Variants in LARGE1 observed in about 807,000 individuals in gnomAD.
LARGE1 encodes the protein LARGE xylosyl- and glucuronyltransferase 1, also known as xylosyl- and glucuronyltransferase LARGE1.
In LARGE1, 43 loss-of-function variants were observed where a neutral mutation model predicts 87.6. The observed-to-expected ratio is 0.49, with a 90% CI of 0.38 to 0.63. The LOEUF is 0.63. LARGE1 is among the 30% of genes least tolerant of loss of function. The probability of loss-of-function intolerance (pLI) is 0.00; values close to 1 mark genes in which losing one functional copy is unlikely to be tolerated. For missense variants in LARGE1, 802 were observed against 1,000.2 expected (o/e 0.80, Z 2.67); for synonymous variants, 434 against 394.6 (o/e 1.10, Z -1.18).
At chr22:33,884,660 G>A (rs1032312499) in intron 1 of LARGE1, among the ~76,000 whole-genome samples, 4 of 152,316 alleles carry the variant, frequency 2.6e-5, no homozygotes, top group Non-Finnish European at 4.4e-5. Context: ...GCGGAGGGCC[G>A]GCAACCCCGC....
At chr22:33,729,969 T>TGTGCGTGTGTGCATGC (rs2083403117) in intron 2 of LARGE1, among the ~76,000 whole-genome samples, 1 of 152,088 alleles carries the variant, frequency 6.6e-6, no homozygotes, top group Non-Finnish European at 1.5e-5. Context: ...GAAGTGTGTG[T>TGTGCGTGTGTGCATGC]GTGCGTGTGT....
At chr22:33,099,468 T>C in the LARGE1 span, among the ~76,000 whole-genome samples, 4 of 152,140 alleles carry the variant, frequency 2.6e-5, no homozygotes, top group Non-Finnish European at 5.9e-5. Context: ...GGCAGGCTGG[T>C]CTCAAACTCC....
chr22:33,512,034 A>C (rs2071080922), intron 6 of LARGE1, among the ~76,000 whole-genome samples: 1 of 152,210 alleles, frequency 6.6e-6, no homozygotes, highest in Non-Finnish European at 1.5e-5. Flanking sequence ...TGTTCTTAAA[A>C]AAGTCCTGTA....
chr22:33,446,735 C>T (rs2147873064), intron 6 of LARGE1, among the ~76,000 whole-genome samples: 1 of 152,266 alleles, frequency 6.6e-6, no homozygotes, highest in South Asian at 2.1e-4. Context: ...CCACGAAGGA[C>T]AAGCAGGGGG....
At chr22:33,104,873 TCAA>T in the LARGE1 span, among the ~76,000 whole-genome samples, 1 of 141,082 alleles carries the variant, frequency 7.1e-6, no homozygotes, top group Non-Finnish European at 1.6e-5. Context: ...AGCTGGGACT[TCAA>T]TAGACTTTCT....
At chr22:33,546,439 T>G (rs1255616537) in intron 6 of LARGE1, among the ~76,000 whole-genome samples, 1 of 152,196 alleles carries the variant, frequency 6.6e-6, no homozygotes, top group Non-Finnish European at 1.5e-5. Flanking sequence ...GTTCCGAAAT[T>G]AATGACTGTC....
At chr22:33,435,231 A>C (rs2067225621) in intron 6 of LARGE1, among the ~76,000 whole-genome samples, 1 of 151,830 alleles carries the variant, frequency 6.6e-6, no homozygotes, top group African/African-American at 2.4e-5. Context: ...CGAACTCCTA[A>C]CCTCAGGCGA....
At chr22:33,667,516 G>C (rs2081301762) in intron 2 of LARGE1, among the ~76,000 whole-genome samples, 1 of 152,224 alleles carries the variant, frequency 6.6e-6, no homozygotes, top group African/African-American at 2.4e-5. Context: ...TCAGCTGTAG[G>C]CACTACAGCC....
chr22:33,343,845 T>C (rs1210325837), intron 9 of LARGE1, among the ~76,000 whole-genome samples: 2 of 152,138 alleles, frequency 1.3e-5, no homozygotes, highest in Non-Finnish European at 2.9e-5. Flanking sequence ...ACGGAACTAA[T>C]AGGGTAGATA....
chr22:33,860,938 A>C (rs776089752), intron 1 of LARGE1, among the ~76,000 whole-genome samples: 2 of 152,146 alleles, frequency 1.3e-5, no homozygotes, highest in Non-Finnish European at 2.9e-5. Context: ...CCTTGCCCGT[A>C]CATCCATGCA....
At chr22:33,755,046 C>A (rs147217410) in intron 2 of LARGE1, among the ~76,000 whole-genome samples, 28 of 152,278 alleles carry the variant, frequency 1.8e-4, no homozygotes, top group African/African-American at 6.5e-4. Context: ...AATAATAAGG[C>A]AAAGAAAAAG....
At chr22:33,670,391 T>C (rs2081374670) in intron 2 of LARGE1, among the ~76,000 whole-genome samples, 1 of 151,560 alleles carries the variant, frequency 6.6e-6, no homozygotes, top group African/African-American at 2.4e-5. Context: ...ACGTACATGT[T>C]GAGATTAGAA....
intron 11 of LARGE1, among the ~76,000 whole-genome samples, chr22:33,170,704 G>A (rs970357313): frequency 6.6e-6 from 1 of 152,162 alleles, no homozygotes; most frequent in African/African-American, 2.4e-5. Flanking sequence ...GCAGAACTGT[G>A]AGTCAATTAA....
the LARGE1 span, among the ~76,000 whole-genome samples, chr22:33,069,046 A>C: frequency 6.6e-6 from 1 of 152,184 alleles, no homozygotes; most frequent in African/African-American, 2.4e-5. Context: ...CAGAGCCAGG[A>C]GGACAAGTTG....
chr22:33,625,301 A>C (rs1016334080), intron 4 of LARGE1, among the ~76,000 whole-genome samples: 2 of 152,200 alleles, frequency 1.3e-5, no homozygotes, highest in African/African-American at 4.8e-5. Context: ...CTAGATGCCA[A>C]TCAAAATAGT....
At chr22:33,869,440 C>A (rs998325450) in intron 1 of LARGE1, among the ~76,000 whole-genome samples, 2 of 152,134 alleles carry the variant, frequency 1.3e-5, no homozygotes, top group Non-Finnish European at 2.9e-5. Flanking sequence ...GCAAAGCAAC[C>A]CAGGGGTCTG....
At chr22:33,566,986 C>G (rs1014324387) in intron 5 of LARGE1, among the ~76,000 whole-genome samples, 1 of 152,212 alleles carries the variant, frequency 6.6e-6, no homozygotes, top group East Asian at 1.9e-4. Flanking sequence ...TGTCACCCTA[C>G]ACCCAGGCAT....
chr22:33,244,162 T>C (rs553072959), intron 11 of LARGE1, among the ~76,000 whole-genome samples: 36 of 151,918 alleles, frequency 2.4e-4, no homozygotes, highest in Admixed American at 9.2e-4. Flanking sequence ...CTAATTTTTT[T>C]TTTTTTGTAT....
In LARGE1 at chr22:33,860,156, T is replaced by TA. The variant is rs201310427; in HGVS notation, c.-83+59838dup. ...AAAAATTTTAAATTTTTTTTTAAAT[T>TA]AAAAAAAAATTTTTTTGTACAGACA... On this transcript the variant is annotated intron_variant, in intron 1 of 14. Coordinates refer to ENST00000397394, the MANE Select transcript of LARGE1 (RefSeq NM_133642.5). Among the ~76,000 whole-genome samples the TA allele has an allele frequency of 3.9e-5, 6 of 151,958 alleles. No homozygotes were observed. The East Asian group carries it at 5.8e-4, about 15-fold the overall frequency.
Sources: gnomAD v4.1 joint callset for allele counts (sites outside exome capture counted in the v4.1 genomes callset) on GRCh38, gnomAD v4.1.1 for gene constraint, MANE v1.5 for transcripts, NCBI Gene and HGNC (gene_info 2026-07-23, HGNC 2026-07-21) for gene names.